COL22A1: variants seen among roughly 807,000 people sequenced by gnomAD.
COL22A1 encodes collagen type XXII alpha 1 chain.
A neutral mutation model predicts 248.9 loss-of-function variants in COL22A1; 221 were observed. The ratio of observed to expected loss-of-function variants is 0.89; its 90% CI spans 0.80 to 0.99. The LOEUF is 0.99. Ranked by LOEUF, COL22A1 falls within the 50% of genes least tolerant of loss-of-function variation. COL22A1 has a pLI of 0.00. For synonymous variants in COL22A1, 891 were observed against 793.4 expected (o/e 1.12, Z -2.07); for missense variants, 2,240 against 2,179.0 (o/e 1.03, Z -0.56).
intron 47 of COL22A1, 109 bp downstream of exon 47, chr8:138,646,520 T>C: frequency 1.2e-6 from 1 of 818,218 alleles, no homozygotes; most frequent in South Asian, 2.7e-5. Flanking sequence ...AGGGGTTTTC[T>C]GATTTTAAAA....
At chr8:138,770,955 T>C (rs367809970) in intron 16 of COL22A1, among the ~76,000 whole-genome samples, 1 of 152,338 alleles carries the variant, frequency 6.6e-6, no homozygotes, top group East Asian at 1.9e-4. Flanking sequence ...CTTTTGTAAA[T>C]ATTAACTCAT....
In COL22A1 at chr8:138,619,620, C is replaced by G. The variant is rs537056260; in HGVS notation, c.3772-112G>C. On this transcript the variant is annotated intron_variant, in intron 52 of 64. Coordinates refer to ENST00000303045, the MANE Select transcript of COL22A1 (RefSeq NM_152888.3). ...TTCCCACAAGCCAGTTTCTATCCACCCTGTCAGCCCTTTCCCCTGGTGTCT... is the reference window on the plus strand; with the variant it reads ...TTCCCACAAGCCAGTTTCTATCCACGCTGTCAGCCCTTTCCCCTGGTGTCT... 51 of 949,144 alleles carry G rather than the reference C, an allele frequency of 5.4e-5. No homozygotes were observed. The Middle Eastern group carries it at 6.3e-4, about 12-fold the overall frequency. The allele number at this position is 949,144 out of a possible 1,614,324, so 58.8% of individuals were successfully genotyped here. A position where few individuals can be genotyped will look rare whatever the true frequency, so the allele number is the denominator to read the frequency against.
chr8:138,661,091 TAC>T (rs141620549), intron 43 of COL22A1, among the ~76,000 whole-genome samples: 11 of 68,332 alleles, frequency 1.6e-4, no homozygotes, highest in East Asian at 1.5e-3. Context: ...CACACAAACA[TAC>T]ACACACACAC....
intron 44 of COL22A1, among the ~76,000 whole-genome samples, chr8:138,656,549 C>T (rs1016683096): frequency 1.3e-5 from 2 of 152,180 alleles, no homozygotes; most frequent in African/African-American, 4.8e-5. Flanking sequence ...CTCAGACCCA[C>T]TGTGAGTTGG....
intron 18 of COL22A1, among the ~76,000 whole-genome samples, chr8:138,757,599 A>G (rs1833123741): frequency 6.6e-6 from 1 of 152,224 alleles, no homozygotes. Flanking sequence ...CCTCGTATCC[A>G]TCCCTAACAA....
chr8:138,861,844 G>C (rs559783528), intron 3 of COL22A1, among the ~76,000 whole-genome samples: 1 of 152,090 alleles, frequency 6.6e-6, no homozygotes, highest in Non-Finnish European at 1.5e-5. Context: ...TCATCAAGCC[G>C]TACAGTTAAG....
At chr8:138,758,336 C>A (rs143239023) in intron 18 of COL22A1, among the ~76,000 whole-genome samples, 1 of 152,298 alleles carries the variant, frequency 6.6e-6, no homozygotes, top group African/African-American at 2.4e-5. Context: ...CAGATTCCTG[C>A]CCTCAGAATC....
At chr8:138,763,490 C>A (rs932711992) in intron 16 of COL22A1, among the ~76,000 whole-genome samples, 6 of 152,172 alleles carry the variant, frequency 3.9e-5, no homozygotes, top group Non-Finnish European at 8.8e-5. Context: ...CCTAGCTGTG[C>A]CCTGGTTTTC....
At chr8:138,790,747 G>T (rs901422608) in intron 12 of COL22A1, among the ~76,000 whole-genome samples, 9 of 152,206 alleles carry the variant, frequency 5.9e-5, no homozygotes, top group Admixed American at 1.3e-4. Context: ...GTCACCCAAA[G>T]GGCCCCCACC....
At chr8:138,842,447 G>A (rs9650566) in intron 4 of COL22A1, among the ~76,000 whole-genome samples, 61,691 of 152,110 alleles carry the variant, frequency 0.41, 15,253 homozygotes, top group Middle Eastern at 0.57. Context: ...AATGCAGTAA[G>A]GTAAGAATTT....
At chr8:138,837,609 C>A (rs1003630500) in intron 4 of COL22A1, among the ~76,000 whole-genome samples, 1 of 152,182 alleles carries the variant, frequency 6.6e-6, no homozygotes, top group Non-Finnish European at 1.5e-5. Context: ...AACAAGGGGC[C>A]TTTGACAACC....
In COL22A1 at chr8:138,913,808, G is replaced by C. The variant is rs1815625539; in HGVS notation, c.-262C>G. 1 of 152,420 alleles carries C rather than the reference G, an allele frequency of 6.6e-6. No individual in the cohort carries two copies. The highest frequency in any genetic ancestry group is 2.1e-4 in the South Asian group (1 of 4,830). 9.4% of individuals were successfully genotyped at this position (152,420 alleles called of 1,614,324 possible). A position where few individuals can be genotyped will look rare whatever the true frequency, so the allele number is the denominator to read the frequency against. ...CTAAACAAGACCCGCAGTAAGTGTG[G>C]AGGCTTTCCCCAGGCCAGGGGGCCA... On this transcript the variant is annotated 5_prime_UTR_variant, in exon 1 of 65. Transcript: ENST00000303045.
At chr8:138,764,050 A>T (rs1397967761) in intron 16 of COL22A1, among the ~76,000 whole-genome samples, 1 of 151,986 alleles carries the variant, frequency 6.6e-6, no homozygotes, top group Non-Finnish European at 1.5e-5. Flanking sequence ...TTATAACCTC[A>T]TTTCCCAAGT....
In COL22A1 at chr8:138,708,728, C is replaced by G. The variant is rs554664348; in HGVS notation, c.2518-5381G>C. On this transcript the variant is annotated intron_variant, in intron 30 of 64. Coordinates refer to ENST00000303045, the MANE Select transcript of COL22A1 (RefSeq NM_152888.3). Reference sequence around the variant, plus strand: ...ATACCATTCAGGACACAGGCATGGGCAAGGACTTCATGACTAAAACACCAA... The same window carrying G: ...ATACCATTCAGGACACAGGCATGGGGAAGGACTTCATGACTAAAACACCAA... Among the ~76,000 whole-genome samples, 6 of 152,260 alleles carry G rather than the reference C, an allele frequency of 3.9e-5. No homozygotes were observed. In the South Asian group the frequency reaches 1.2e-3, roughly 32 times the overall value.
intron 12 of COL22A1, among the ~76,000 whole-genome samples, chr8:138,786,712 C>T (rs573334694): frequency 2.6e-5 from 4 of 152,014 alleles, no homozygotes; most frequent in African/African-American, 4.8e-5. Context: ...GAGACCATCT[C>T]GGCCAACACA....
chr8:138,659,139 T>A (rs2130652059), intron 44 of COL22A1, among the ~76,000 whole-genome samples: 1 of 152,296 alleles, frequency 6.6e-6, no homozygotes, highest in Non-Finnish European at 1.5e-5. Context: ...AAAGTGAGGT[T>A]TATTTGGCTG....
At chr8:138,859,557 C>G (rs962503438) in intron 3 of COL22A1, among the ~76,000 whole-genome samples, 20 of 152,150 alleles carry the variant, frequency 1.3e-4, no homozygotes, top group Non-Finnish European at 2.2e-4. Context: ...TGCGGCCTTC[C>G]CAAGGACAAA....
At chr8:138,862,026 T>A (rs1481774629) in intron 3 of COL22A1, among the ~76,000 whole-genome samples, 184 of 93,210 alleles carry the variant, frequency 2.0e-3, no homozygotes, top group South Asian at 3.5e-3. Flanking sequence ...CTGTCTCTAC[T>A]AAAAAAAAAA....
In COL22A1 at chr8:138,589,141, A is replaced by AG. The variant is rs1212542814; in HGVS notation, c.*111dup. The AG allele has an allele frequency of 8.1e-6, 8 of 992,616 alleles. No homozygotes were observed. The highest frequency in any genetic ancestry group is 1.2e-5 in the Non-Finnish European group (8 of 675,458). The allele number at this position is 992,616 out of a possible 1,614,324, so 61.5% of individuals were successfully genotyped here. On this transcript the variant is annotated 3_prime_UTR_variant, in exon 65 of 65. Transcript: ENST00000303045. ...AAACAAAAAGCAAACGATAAAAGAA[A>AG]GAAAAAAAAAAGGAACACATGGCTG...
Sources: gnomAD v4.1 joint callset for allele counts (sites outside exome capture counted in the v4.1 genomes callset) on GRCh38, gnomAD v4.1.1 for gene constraint, MANE v1.5 for transcripts, NCBI Gene and HGNC (gene_info 2026-07-23, HGNC 2026-07-21) for gene names.